EPHB1: variants seen among roughly 807,000 people sequenced by gnomAD.
EPHB1 encodes the protein EPH receptor B1, also known as ephrin type-B receptor 1.
Under a neutral mutation model 94.4 loss-of-function variants are expected in EPHB1, and 30 were observed. The ratio of observed to expected loss-of-function variants is 0.32; its 90% CI spans 0.24 to 0.43. EPHB1 has a LOEUF of 0.43. Ranked by LOEUF, EPHB1 falls within the 20% of genes least tolerant of loss-of-function variation. The pLI, the probability that EPHB1 is intolerant of heterozygous loss-of-function variation, is 1.00. For missense variants in EPHB1, 1,055 were observed against 1,308.3 expected (o/e 0.81, Z 2.99); for synonymous variants, 522 against 489.1 (o/e 1.07, Z -0.89).
chr3:134,904,897 T>C (rs912282548), intron 1 of EPHB1, among the ~76,000 whole-genome samples: 11 of 152,244 alleles, frequency 7.2e-5, no homozygotes, highest in Non-Finnish European at 8.8e-5. Flanking sequence ...CCTAGCTCTT[T>C]TACTTCTCTG....
chr3:135,158,120 C>T (rs1186148787), intron 6 of EPHB1, among the ~76,000 whole-genome samples: 1 of 152,202 alleles, frequency 6.6e-6, no homozygotes, highest in Admixed American at 6.5e-5. Flanking sequence ...AATCCAAATA[C>T]TTGCAAACAG....
chr3:135,009,077 C>T (rs775025131), intron 3 of EPHB1, among the ~76,000 whole-genome samples: 3 of 152,164 alleles, frequency 2.0e-5, no homozygotes, highest in Non-Finnish European at 2.9e-5. Flanking sequence ...AAACCCCCAT[C>T]CCTCCTTGTC....
At chr3:134,971,085 T>TGTTTAGGAGGCAAAGTC (rs1181259449) in intron 3 of EPHB1, among the ~76,000 whole-genome samples, 1 of 152,148 alleles carries the variant, frequency 6.6e-6, no homozygotes, top group East Asian at 1.9e-4. Flanking sequence ...AGGGGAAAGC[T>TGTTTAGGAGGCAAAGTC]GTTTAGGAGG....
chr3:134,959,966 CTTTTTTTTTT>C (rs61369813), intron 3 of EPHB1, among the ~76,000 whole-genome samples: 19 of 107,412 alleles, frequency 1.8e-4, no homozygotes, highest in African/African-American at 5.4e-4. Context: ...ACATCTGCAC[CTTTTTTTTTT>C]TTTTTTTTTT....
chr3:135,201,739 G>A, intron 12 of EPHB1, 50 bp downstream of exon 12: 2 of 1,563,192 alleles, frequency 1.3e-6, no homozygotes, highest in Non-Finnish European at 1.8e-6. Context: ...GAGTTAAAGG[G>A]GACTCTACAT....
intron 12 of EPHB1, among the ~76,000 whole-genome samples, chr3:135,208,971 A>C (rs150647197): frequency 1.3e-5 from 2 of 152,308 alleles, no homozygotes; most frequent in African/African-American, 4.8e-5. Flanking sequence ...GAAAATGAGA[A>C]AGTACTCAAA....
chr3:135,130,846 G>A (rs1940390718), intron 4 of EPHB1, among the ~76,000 whole-genome samples: 1 of 152,178 alleles, frequency 6.6e-6, no homozygotes, highest in Non-Finnish European at 1.5e-5. Context: ...TGAGAAACAG[G>A]GGCCCGCGGG....
chr3:134,823,570 C>A (rs1261414912), intron 1 of EPHB1, among the ~76,000 whole-genome samples: 2 of 152,186 alleles, frequency 1.3e-5, no homozygotes, highest in African/African-American at 4.8e-5. Context: ...CTATCATTTC[C>A]ATTTTACAGA....
intron 12 of EPHB1, among the ~76,000 whole-genome samples, chr3:135,220,263 C>A (rs563703847): frequency 6.6e-6 from 1 of 152,134 alleles, no homozygotes. Flanking sequence ...AAAGGCTGCT[C>A]TGCGGATGCT....
At chr3:134,931,066 C>T (rs1258667268) in intron 2 of EPHB1, among the ~76,000 whole-genome samples, 1 of 152,204 alleles carries the variant, frequency 6.6e-6, no homozygotes, top group African/African-American at 2.4e-5. Flanking sequence ...ATCACAGGCC[C>T]CTGAACTTAG....
chr3:135,133,867 G>A (rs1458781969), intron 5 of EPHB1, among the ~76,000 whole-genome samples: 4 of 152,004 alleles, frequency 2.6e-5, no homozygotes, highest in Non-Finnish European at 5.9e-5. Flanking sequence ...TTATTTATTC[G>A]TTCATCATTA....
intron 4 of EPHB1, among the ~76,000 whole-genome samples, chr3:135,118,069 G>T (rs1939785590): frequency 6.6e-6 from 1 of 152,212 alleles, no homozygotes; most frequent in African/African-American, 2.4e-5. Flanking sequence ...CTACTGGTCA[G>T]CAAAGGGGAA....
At chr3:134,980,825 C>A (rs36113) in intron 3 of EPHB1, among the ~76,000 whole-genome samples, 95,945 of 152,050 alleles carry the variant, frequency 0.63, 32,104 homozygotes, top group African/African-American at 0.83. Context: ...GGATTCCCTG[C>A]CTGCTGCTCG....
chr3:135,107,340 G>A (rs1388564807), intron 4 of EPHB1, among the ~76,000 whole-genome samples: 1 of 152,224 alleles, frequency 6.6e-6, no homozygotes, highest in Non-Finnish European at 1.5e-5. Context: ...GAGAAGGGGT[G>A]CATTTCTCCC....
intron 3 of EPHB1, among the ~76,000 whole-genome samples, chr3:135,020,041 A>T (rs1360678589): frequency 6.6e-6 from 1 of 152,222 alleles, no homozygotes; most frequent in Non-Finnish European, 1.5e-5. Context: ...CGCATTGAGC[A>T]TTACTGCTTC....
intron 4 of EPHB1, among the ~76,000 whole-genome samples, chr3:135,110,104 C>T (rs1384555483): frequency 6.6e-6 from 1 of 152,190 alleles, no homozygotes; most frequent in Non-Finnish European, 1.5e-5. Context: ...ATAATTATGC[C>T]TTATAAAATT....
At chr3:135,209,112 C>G (rs1453824101) in intron 12 of EPHB1, among the ~76,000 whole-genome samples, 1 of 152,114 alleles carries the variant, frequency 6.6e-6, no homozygotes, top group Non-Finnish European at 1.5e-5. Flanking sequence ...GCTATTGAGT[C>G]CACACTAATA....
chr3:135,037,686 G>A (rs1936689550), intron 3 of EPHB1, among the ~76,000 whole-genome samples: 1 of 152,190 alleles, frequency 6.6e-6, no homozygotes, highest in Non-Finnish European at 1.5e-5. Flanking sequence ...AGTTTGCACT[G>A]TATCTCAGAT....
chr3:135,042,972 G>A (rs1936898254), intron 3 of EPHB1, among the ~76,000 whole-genome samples: 1 of 152,072 alleles, frequency 6.6e-6, no homozygotes, highest in Non-Finnish European at 1.5e-5. Context: ...CTCCCGAGTA[G>A]CTGGGACTAC....
Sources: allele counts gnomAD v4.1 joint callset (sites outside exome capture counted in the v4.1 genomes callset), GRCh38; gene constraint gnomAD v4.1.1; transcripts MANE v1.5; gene names NCBI Gene and HGNC (gene_info 2026-07-23, HGNC 2026-07-21).